Variants in CACNA1C observed in about 807,000 individuals in gnomAD.
CACNA1C encodes calcium voltage-gated channel subunit alpha1 C.
A neutral mutation model predicts 229.0 loss-of-function variants in CACNA1C; 30 were observed. The ratio of observed to expected loss-of-function variants is 0.13; its 90% CI spans 0.10 to 0.18. The LOEUF (loss-of-function observed/expected upper bound fraction) is 0.18. Among genes scored for constraint, CACNA1C ranks in the 10% least tolerant of loss-of-function variants. CACNA1C has a pLI of 1.00. For missense variants in CACNA1C, 1,658 were observed against 2,845.0 expected (o/e 0.58, Z 9.49); for synonymous variants, 1,114 against 1,132.5 (o/e 0.98, Z 0.33).
intron 1 of CACNA1C, among the ~76,000 whole-genome samples, chr12:2,086,138 T>C (rs1317757122): frequency 6.6e-6 from 1 of 152,184 alleles, no homozygotes; most frequent in African/African-American, 2.4e-5. Context: ...TTTGTCTGCC[T>C]CTCCCACTTG....
In CACNA1C at chr12:2,575,543, T is replaced by C. The variant is rs147858699; in HGVS notation, c.1896-6047T>C. Among the ~76,000 whole-genome samples the C allele has an allele frequency of 3.2e-4, 49 of 152,222 alleles. No individual in the cohort carries two copies. Among genetic ancestry groups the C allele is most frequent in the Middle Eastern group, 3.4e-3 (1 of 294 alleles). ...CCAATTCTCACTCCTCTTCACTCCA[T>C]TGCCTCCCATGAAGCCCCAGCCACA... is the stretch of plus-strand genomic sequence containing the variant. On this transcript the variant is annotated intron_variant, in intron 13 of 46. Transcript: ENST00000399655. This position sits in a 1 kb window ranked among gnomAD's most constrained non-coding sequence, Gnocchi z 4.0.
intron 1 of CACNA1C, among the ~76,000 whole-genome samples, chr12:2,099,112 A>C (rs900936684): frequency 6.6e-6 from 1 of 152,162 alleles, no homozygotes; most frequent in South Asian, 2.1e-4. Context: ...GCTGCCGCTC[A>C]CTCTGGGCGC....
chr12:2,482,278 A>T (rs182282484), intron 5 of CACNA1C, among the ~76,000 whole-genome samples: 114 of 152,356 alleles, frequency 7.5e-4, no homozygotes, highest in Admixed American at 1.6e-3. Flanking sequence ...TTCCCAGCAG[A>T]TGCTGCAAGC....
At position 2,053,341 on chromosome 12, in the gene CACNA1C, G is replaced by A. The variant is rs1350802961; in HGVS notation, c.-222G>A. On this transcript the variant is annotated 5_prime_UTR_variant, in exon 1 of 47. Coordinates refer to ENST00000399655, the MANE Select transcript of CACNA1C (RefSeq NM_000719.7). This position sits in a 1 kb window ranked among gnomAD's most constrained non-coding sequence, Gnocchi z 5.8. ...CTGAGGATGCGTTACAGTTTCACTC[G>A]AGGAGGCAGTAGTGGAAAGGAGCAG... 2.3e-6 allele frequency: 3 copies of A among 1,306,686 alleles called. No individual in the cohort carries two copies. Among genetic ancestry groups the A allele is most frequent in the South Asian group, 2.2e-5 (1 of 45,980 alleles). 80.9% of individuals were successfully genotyped at this position (1,306,686 alleles called of 1,614,324 possible).
intron 1 of CACNA1C, among the ~76,000 whole-genome samples, chr12:1,996,448 T>C (rs1477838340): frequency 2.0e-5 from 3 of 151,606 alleles, no homozygotes; most frequent in Non-Finnish European, 4.4e-5. Flanking sequence ...GAGACTGCCT[T>C]CCCTCTCCTC....
At chr12:2,540,616 G>T (rs1467624098) in intron 9 of CACNA1C, among the ~76,000 whole-genome samples, 1 of 152,188 alleles carries the variant, frequency 6.6e-6, no homozygotes, top group Non-Finnish European at 1.5e-5. Flanking sequence ...GTCCCAGGAG[G>T]ACTGTGCTGA....
chr12:2,565,474 AG>A (rs1427401577), intron 11 of CACNA1C, among the ~76,000 whole-genome samples: 26 of 25,298 alleles, frequency 1.0e-3, no homozygotes, highest in Non-Finnish European at 2.1e-3. Context: ...ACTCCGTCTC[AG>A]AAAAAAAAAA....
intron 3 of CACNA1C, among the ~76,000 whole-genome samples, chr12:2,201,144 G>T (rs2239019): frequency 0.31 from 46,673 of 151,942 alleles, 8,277 homozygotes; most frequent in South Asian, 0.39. Context: ...CCAGAATTGG[G>T]AGTCTTACAG....
intron 1 of CACNA1C, among the ~76,000 whole-genome samples, chr12:2,082,866 A>T (rs900620896): frequency 3.3e-5 from 5 of 152,198 alleles, no homozygotes; most frequent in Non-Finnish European, 7.4e-5. Flanking sequence ...TTTATATCGT[A>T]TATTTATATA....
chr12:2,666,564 C>A lies in CACNA1C; in HGVS notation c.4527-122C>A. The stretch of plus-strand genomic sequence containing the variant: ...TCTGTACTGAGTGTGACTAATAGGG[C>A]TACCACACTGTGCAGTGTTGCCCAT... On this transcript the variant is annotated intron_variant, in intron 36 of 46. Transcript: ENST00000399655. This position sits in a 1 kb window ranked among gnomAD's most constrained non-coding sequence, Gnocchi z 5.3. The A allele has an allele frequency of 1.6e-6, 1 of 621,344 alleles. No individual in the cohort carries two copies. Among genetic ancestry groups the A allele is most frequent in the Non-Finnish European group, 2.9e-6 (1 of 341,716 alleles). The allele number at this position is 621,344 out of a possible 1,614,324, so 38.5% of individuals were successfully genotyped here.
In CACNA1C at chr12:2,076,774, T is replaced by C. The variant is rs559890463; in HGVS notation, c.49+23163T>C. On this transcript the variant is annotated intron_variant, in intron 1 of 46. Coordinates refer to ENST00000399655, the MANE Select transcript of CACNA1C (RefSeq NM_000719.7). The stretch of plus-strand genomic sequence containing the variant: ...ACAGTTAAAATGAGCCCCTGCTTTA[T>C]AGAATGGGACTTGTTAGACGGGTCA... Among the ~76,000 whole-genome samples the C allele has an allele frequency of 7.9e-5, 12 of 152,326 alleles. 1 individual carries two copies. Among genetic ancestry groups the C allele is most frequent in the Admixed American group, 7.2e-4 (11 of 15,310 alleles).
At chr12:2,179,162 G>T (rs1239689697) in intron 3 of CACNA1C, among the ~76,000 whole-genome samples, 3 of 152,190 alleles carry the variant, frequency 2.0e-5, no homozygotes, top group Non-Finnish European at 4.4e-5. Flanking sequence ...GGATAAACAG[G>T]CATTAAAATG....
At position 2,111,507 on chromosome 12, in the gene CACNA1C, G is replaced by A. The variant is rs138742179; in HGVS notation, c.50-3717G>A. 8.8e-3 allele frequency among the ~76,000 whole-genome samples: 1,329 copies of A among 151,300 alleles called. 18 individuals carry two copies. Among genetic ancestry groups the A allele is most frequent in the African/African-American group, 0.03 (1,236 of 41,226 alleles). On this transcript the variant is annotated intron_variant, in intron 1 of 46. Transcript: ENST00000399655. ...AACTGGCAGCCCGTATGAGATGGGG[G>A]GATTAAGGGCAATGCAGGGGGGTGA...
intron 3 of CACNA1C, among the ~76,000 whole-genome samples, chr12:2,446,135 G>A (rs2099275352): frequency 6.6e-6 from 1 of 151,566 alleles, no homozygotes; most frequent in Non-Finnish European, 1.5e-5. Flanking sequence ...ATGGATAGAT[G>A]GATGGATAAA....
chr12:2,622,157 C>T lies in CACNA1C; in HGVS notation c.3828+10144C>T, dbSNP rs993140258. ...GAGTAGGGATGAGTTAAGCCAGCTG[C>T]GGAGAAGAAAGAAACGGTCCTCCAG... On this transcript the variant is annotated intron_variant, in intron 29 of 46. Transcript: ENST00000399655. Among the ~76,000 whole-genome samples the T allele has an allele frequency of 4.6e-5, 7 of 152,198 alleles. No individual in the cohort carries two copies. The South Asian group carries it at 8.3e-4, about 18-fold the overall frequency.
chr12:2,116,054 G>A lies in CACNA1C; in HGVS notation c.371+509G>A, dbSNP rs141831685. 1.7e-4 allele frequency among the ~76,000 whole-genome samples: 26 copies of A among 152,246 alleles called. 1 individual carries two copies. The East Asian group carries it at 5.0e-3, about 30-fold the overall frequency. ...TAGTGGTCAGGGCCCCTGGCTGTTG[G>A]CTGGAGGGCCCTGAAGCAGTGGTTC... On this transcript the variant is annotated intron_variant, in intron 2 of 46. Transcript: ENST00000399655.
chr12:2,128,942 T>A (rs886330255), intron 3 of CACNA1C, among the ~76,000 whole-genome samples: 4 of 152,210 alleles, frequency 2.6e-5, no homozygotes, highest in African/African-American at 9.7e-5. Context: ...AGCGAAGTCA[T>A]GGCCATGCAG....
chr12:2,448,101 C>T (rs1025009297), intron 3 of CACNA1C, among the ~76,000 whole-genome samples: 2 of 152,230 alleles, frequency 1.3e-5, no homozygotes, highest in Admixed American at 1.3e-4. Flanking sequence ...TGGCGAGGGA[C>T]GTGCATGAAT....
chr12:2,081,616 A>G (rs2154053501), intron 1 of CACNA1C, among the ~76,000 whole-genome samples: 1 of 152,186 alleles, frequency 6.6e-6, no homozygotes, highest in South Asian at 2.1e-4. Flanking sequence ...GGCTGAGAGT[A>G]TTTACCTCTA....
Sources: allele counts gnomAD v4.1 joint callset (sites outside exome capture counted in the v4.1 genomes callset), GRCh38; gene constraint gnomAD v4.1.1; non-coding constraint Gnocchi (gnomAD v3.1); transcripts MANE v1.5; gene names NCBI Gene and HGNC (gene_info 2026-07-23, HGNC 2026-07-21).